Variants in PRKG1 observed in about 807,000 individuals in gnomAD.
PRKG1 encodes cGMP-dependent protein kinase 1.
Under a neutral mutation model 88.1 loss-of-function variants are expected in PRKG1, and 35 were observed. The ratio of observed to expected loss-of-function variants is 0.40; its 90% CI spans 0.30 to 0.53. The LOEUF (loss-of-function observed/expected upper bound fraction) is 0.53. PRKG1 is among the 20% of genes least tolerant of loss of function. The pLI, the probability that PRKG1 is intolerant of heterozygous loss-of-function variation, is 0.59. For synonymous variants in PRKG1, 303 were observed against 292.5 expected (o/e 1.04, Z -0.37); for missense variants, 540 against 839.8 (o/e 0.64, Z 4.41).
chr10:51,750,327 T>A (rs1337287993), intron 3 of PRKG1, among the ~76,000 whole-genome samples: 5 of 152,194 alleles, frequency 3.3e-5, no homozygotes, highest in African/African-American at 1.2e-4. Context: ...ATTTATCAAT[T>A]TGAGTATTTT....
At chr10:51,835,386 G>A (rs1397103570) in intron 4 of PRKG1, among the ~76,000 whole-genome samples, 4 of 152,150 alleles carry the variant, frequency 2.6e-5, no homozygotes, top group African/African-American at 7.2e-5. Flanking sequence ...ACAGATGCTG[G>A]CCATTTAAAT....
rs1844424890 is a variant in PRKG1 at position 51,092,601 on chromosome 10, T to C, written c.311+17700T>C. On this transcript the variant is annotated intron_variant, in intron 1 of 17. Coordinates refer to ENST00000373980, the MANE Select transcript of PRKG1 (RefSeq NM_006258.4). Reference sequence around the variant, plus strand: ...CAGTCCTGCCTGGTGCAAAGGCTTCTGGGTTATGAGCCAACTGGGGATGCT... The same window carrying C: ...CAGTCCTGCCTGGTGCAAAGGCTTCCGGGTTATGAGCCAACTGGGGATGCT... Among the ~76,000 whole-genome samples, 4 of 152,322 alleles carry C rather than the reference T, an allele frequency of 2.6e-5. No homozygotes were observed. The South Asian group carries it at 6.2e-4, about 24-fold the overall frequency.
At chr10:51,302,575 A>C (rs1175324548) in intron 2 of PRKG1, 1 of 146,776 alleles carries the variant, frequency 6.8e-6, no homozygotes, top group African/African-American at 2.5e-5. Flanking sequence ...TTTTTTAACG[A>C]GCAGATATTT....
intron 3 of PRKG1, among the ~76,000 whole-genome samples, chr10:51,782,202 C>G (rs988172055): frequency 2.6e-5 from 4 of 152,082 alleles, no homozygotes; most frequent in African/African-American, 9.7e-5. Flanking sequence ...CCTCAACTTA[C>G]AAGGGTTCAA....
At chr10:51,815,139 A>G (rs551713735) in intron 4 of PRKG1, among the ~76,000 whole-genome samples, 15 of 152,302 alleles carry the variant, frequency 9.8e-5, no homozygotes, top group African/African-American at 3.4e-4. Context: ...ATACTTTCTC[A>G]AAACTCTGGG....
At chr10:51,505,469 G>T (rs1441450202) in intron 3 of PRKG1, among the ~76,000 whole-genome samples, 8 of 152,010 alleles carry the variant, frequency 5.3e-5, no homozygotes, top group Non-Finnish European at 1.2e-4. Flanking sequence ...TTGGTATCAG[G>T]ATGATGCTGG....
chr10:51,553,719 T>C (rs948669853), intron 3 of PRKG1, among the ~76,000 whole-genome samples: 11 of 138,376 alleles, frequency 7.9e-5, no homozygotes, highest in African/African-American at 2.5e-4. Flanking sequence ...ATAATATATG[T>C]ATATATTAGA....
rs60620444 is a variant in PRKG1, at chr10:52,150,183, A to AATTATTATTATTATTATT, written c.1002-11703_1002-11702insATTATTATTATTATTATT. ...TAATAATAATAATAATAATAATAAT[A>AATTATTATTATTATTATT]ATTTGATTGGCCATAAGGGCAGGAT... On this transcript the variant is annotated intron_variant, in intron 8 of 17. Transcript: ENST00000373980. Among the ~76,000 whole-genome samples the AATTATTATTATTATTATT allele has an allele frequency of 4.1e-3, 607 of 147,962 alleles. 5 individuals are homozygous for AATTATTATTATTATTATT. Among genetic ancestry groups the AATTATTATTATTATTATT allele is most frequent in the Admixed American group, 6.5e-3 (97 of 14,838 alleles).
At chr10:51,100,792 A>T (rs957022399) in intron 1 of PRKG1, among the ~76,000 whole-genome samples, 1 of 152,186 alleles carries the variant, frequency 6.6e-6, no homozygotes, top group Admixed American at 6.5e-5. Context: ...AGATGGAGAA[A>T]ATAACTAACA....
At chr10:51,352,369 C>T (rs925236981) in intron 2 of PRKG1, among the ~76,000 whole-genome samples, 1 of 151,956 alleles carries the variant, frequency 6.6e-6, no homozygotes, top group African/African-American at 2.4e-5. Context: ...ATTGATTCTT[C>T]CTATCCATGA....
chr10:52,141,123 T>C (rs1837569373), intron 8 of PRKG1, among the ~76,000 whole-genome samples: 2 of 152,174 alleles, frequency 1.3e-5, no homozygotes, highest in South Asian at 4.1e-4. Flanking sequence ...TGTCTTTTTT[T>C]ACAGAGCTGT....
At chr10:51,517,364 G>A (rs1010771233) in intron 3 of PRKG1, among the ~76,000 whole-genome samples, 18 of 152,202 alleles carry the variant, frequency 1.2e-4, no homozygotes, top group African/African-American at 4.1e-4. Context: ...CTGGGTATGG[G>A]AAAGGAACCT....
intron 7 of PRKG1, among the ~76,000 whole-genome samples, chr10:52,126,557 G>C (rs1199157066): frequency 6.6e-6 from 1 of 151,992 alleles, no homozygotes; most frequent in East Asian, 1.9e-4. Flanking sequence ...CATTGCCCAG[G>C]CTGGTCTCAG....
chr10:52,070,005 A>G (rs1370252171), intron 7 of PRKG1, among the ~76,000 whole-genome samples: 1 of 152,020 alleles, frequency 6.6e-6, no homozygotes, highest in Non-Finnish European at 1.5e-5. Flanking sequence ...CAATAGCTCT[A>G]TTCCTCTCTT....
chr10:52,170,423 A>C (rs954618481), intron 9 of PRKG1, among the ~76,000 whole-genome samples: 1 of 152,198 alleles, frequency 6.6e-6, no homozygotes, highest in Admixed American at 6.5e-5. Flanking sequence ...AGTGAACCAG[A>C]GATAAGGCTA....
At chr10:51,920,590 T>C (rs905311982) in intron 5 of PRKG1, among the ~76,000 whole-genome samples, 5 of 152,198 alleles carry the variant, frequency 3.3e-5, no homozygotes, top group Non-Finnish European at 7.3e-5. Flanking sequence ...TTTATATATC[T>C]ATCTTTATAT....
At chr10:52,211,069 G>C (rs1430545272) in intron 9 of PRKG1, among the ~76,000 whole-genome samples, 4 of 152,090 alleles carry the variant, frequency 2.6e-5, no homozygotes, top group Non-Finnish European at 5.9e-5. Context: ...AATTCTACTT[G>C]GATTTCTTTT....
chr10:51,152,431 T>G (rs1846096088), intron 1 of PRKG1, among the ~76,000 whole-genome samples: 1 of 152,218 alleles, frequency 6.6e-6, no homozygotes, highest in South Asian at 2.1e-4. Flanking sequence ...CTACCAGTTG[T>G]TTCAAATAGC....
chr10:51,322,868 A>C (rs1841491664), intron 2 of PRKG1, among the ~76,000 whole-genome samples: 1 of 152,186 alleles, frequency 6.6e-6, no homozygotes, highest in Non-Finnish European at 1.5e-5. Flanking sequence ...AATCTTCCTA[A>C]CTACAGAATA....
Sources: allele counts gnomAD v4.1 joint callset (sites outside exome capture counted in the v4.1 genomes callset), GRCh38; gene constraint gnomAD v4.1.1; transcripts MANE v1.5; gene names NCBI Gene and HGNC (gene_info 2026-07-23, HGNC 2026-07-21).